Variants in SPAG16 observed in about 807,000 individuals in gnomAD.
SPAG16 encodes sperm-associated antigen 16 protein.
Under a neutral mutation model 80.4 loss-of-function variants are expected in SPAG16, and 86 were observed. That is an observed-to-expected ratio of 1.07 (90% CI 0.90 to 1.28). The LOEUF is 1.28. Among genes scored for constraint, SPAG16 ranks in the 50% most tolerant of loss-of-function variants. The probability of loss-of-function intolerance (pLI) is 0.00; values close to 1 mark genes in which losing one functional copy is unlikely to be tolerated. For synonymous variants in SPAG16, 294 were observed against 265.9 expected (o/e 1.11, Z -1.03); for missense variants, 870 against 765.3 (o/e 1.14, Z -1.61).
intron 14 of SPAG16, among the ~76,000 whole-genome samples, chr2:214,132,953 G>A (rs912057694): frequency 5.3e-5 from 8 of 151,984 alleles, no homozygotes; most frequent in South Asian, 2.1e-4. Flanking sequence ...TTAGCCAGGC[G>A]TGGTGGCAGA....
intron 10 of SPAG16, among the ~76,000 whole-genome samples, chr2:213,745,779 T>A (rs1052641262): frequency 1.3e-5 from 2 of 152,198 alleles, no homozygotes; most frequent in African/African-American, 2.4e-5. Context: ...GGGACATCGG[T>A]TTGATTTTGA....
intron 11 of SPAG16, among the ~76,000 whole-genome samples, chr2:213,882,749 G>C (rs1469835823): frequency 6.6e-6 from 1 of 151,900 alleles, no homozygotes; most frequent in Non-Finnish European, 1.5e-5. Context: ...ACAAACTTTT[G>C]GTTTCATTGG....
Position 213,523,025 on chromosome 2 carries a change from A to G in SPAG16, c.1070+32935A>G, listed in dbSNP as rs1459215296. On this transcript the variant is annotated intron_variant, in intron 10 of 15. Transcript: ENST00000331683. ...AAATTTAAAACACTTTGTCTAAAAT[A>G]CTTGATTTCCCAATTACTAATTGAT... 2.6e-5 allele frequency among the ~76,000 whole-genome samples: 4 copies of G among 152,246 alleles called. No individual in the cohort carries two copies. In the East Asian group the frequency reaches 5.8e-4, roughly 22 times the overall value.
chr2:213,775,836 C>A (rs1004691503), intron 10 of SPAG16, among the ~76,000 whole-genome samples: 1 of 152,132 alleles, frequency 6.6e-6, no homozygotes, highest in Non-Finnish European at 1.5e-5. Flanking sequence ...GTGGAAGCTG[C>A]ATTTTTTGGT....
chr2:213,448,863 T>C (rs1225866241), intron 9 of SPAG16, among the ~76,000 whole-genome samples: 1 of 152,152 alleles, frequency 6.6e-6, no homozygotes, highest in Non-Finnish European at 1.5e-5. Context: ...TTGAACAATA[T>C]GAAATCAGTG....
intron 10 of SPAG16, among the ~76,000 whole-genome samples, chr2:213,856,384 C>G (rs1156256585): frequency 2.0e-5 from 3 of 152,180 alleles, no homozygotes; most frequent in Non-Finnish European, 4.4e-5. Context: ...ACAGTGCAAG[C>G]TGTCAGTAAA....
At position 213,656,462 on chromosome 2, in the gene SPAG16, G is replaced by T. The variant is rs1020312637; in HGVS notation, c.1070+166372G>T. On this transcript the variant is annotated intron_variant, in intron 10 of 15. Coordinates refer to ENST00000331683, the MANE Select transcript of SPAG16 (RefSeq NM_024532.5). ...GCGTGAGCCACCGCACCCGGCCGAT[G>T]TGTGCCATTTTTATCATGACTAGAA... is the stretch of plus-strand genomic sequence containing the variant. Among the ~76,000 whole-genome samples the T allele has an allele frequency of 2.0e-5, 3 of 152,164 alleles. No homozygotes were observed. The East Asian group carries it at 5.8e-4, about 29-fold the overall frequency.
At chr2:213,847,526 G>A (rs529185098) in intron 10 of SPAG16, among the ~76,000 whole-genome samples, 1 of 152,198 alleles carries the variant, frequency 6.6e-6, no homozygotes, top group East Asian at 1.9e-4. Context: ...GAACTAAGAG[G>A]GAGAGCTCAC....
chr2:213,459,518 G>A (rs981464658), intron 9 of SPAG16, among the ~76,000 whole-genome samples: 1 of 152,160 alleles, frequency 6.6e-6, no homozygotes, highest in East Asian at 1.9e-4. Flanking sequence ...CTATTTCTAG[G>A]AATGAGGATC....
chr2:214,204,012 C>A (rs1400161440), intron 15 of SPAG16, among the ~76,000 whole-genome samples: 4 of 152,152 alleles, frequency 2.6e-5, no homozygotes, highest in African/African-American at 9.7e-5. Flanking sequence ...GTGAGACCAG[C>A]CTTTTGGGCT....
chr2:214,132,424 C>T (rs930999728), intron 14 of SPAG16, among the ~76,000 whole-genome samples: 1 of 152,110 alleles, frequency 6.6e-6, no homozygotes, highest in African/African-American at 2.4e-5. Flanking sequence ...ACTTCAGTTC[C>T]TCAGTTGCTG....
chr2:213,784,670 G>A (rs1239455997), intron 10 of SPAG16, among the ~76,000 whole-genome samples: 1 of 140,280 alleles, frequency 7.1e-6, no homozygotes, highest in African/African-American at 2.6e-5. Flanking sequence ...TGAGAGCTCC[G>A]TGATAGAACT....
At chr2:213,385,082 T>C (rs1228150894) in intron 9 of SPAG16, among the ~76,000 whole-genome samples, 1 of 152,184 alleles carries the variant, frequency 6.6e-6, no homozygotes, top group Admixed American at 6.5e-5. Context: ...AGCTTCTCAA[T>C]GATGTTGCTG....
intron 13 of SPAG16, among the ~76,000 whole-genome samples, chr2:214,019,051 T>G (rs995196906): frequency 4.8e-5 from 7 of 144,452 alleles, no homozygotes; most frequent in African/African-American, 1.8e-4. Context: ...TTTACAGGAC[T>G]GCATGTATTT....
chr2:213,550,583 T>A (rs763549268), intron 10 of SPAG16, among the ~76,000 whole-genome samples: 2 of 152,132 alleles, frequency 1.3e-5, no homozygotes, highest in Non-Finnish European at 2.9e-5. Flanking sequence ...CTTACTCAAG[T>A]ATACTTTTTT....
chr2:214,106,301 G>T (rs2053381171), intron 13 of SPAG16, among the ~76,000 whole-genome samples: 1 of 152,016 alleles, frequency 6.6e-6, no homozygotes, highest in East Asian at 1.9e-4. Context: ...TTTTGGCTTT[G>T]TAAGTAATTT....
intron 13 of SPAG16, among the ~76,000 whole-genome samples, chr2:214,035,463 C>T (rs536636005): frequency 3.3e-5 from 5 of 152,350 alleles, no homozygotes; most frequent in African/African-American, 1.2e-4. Context: ...CTCAACCCCC[C>T]TCACATACTT....
At chr2:214,065,187 G>A (rs2050474776) in intron 13 of SPAG16, among the ~76,000 whole-genome samples, 1 of 151,928 alleles carries the variant, frequency 6.6e-6, no homozygotes, top group Non-Finnish European at 1.5e-5. Context: ...ATATATTATT[G>A]TTAGTTTCAT....
chr2:214,399,072 G>A, intron 15 of SPAG16, among the ~76,000 whole-genome samples: 1 of 152,098 alleles, frequency 6.6e-6, no homozygotes, highest in East Asian at 1.9e-4. Context: ...ACCTCCATTA[G>A]GTATTATGCC....
Sources: gnomAD v4.1 joint callset for allele counts (sites outside exome capture counted in the v4.1 genomes callset) on GRCh38, gnomAD v4.1.1 for gene constraint, MANE v1.5 for transcripts, NCBI Gene and HGNC (gene_info 2026-07-23, HGNC 2026-07-21) for gene names.